The following LVRN variants were observed in gnomAD, a reference collection of about 807,000 sequenced individuals.
The protein encoded by LVRN is aminopeptidase Q.
In LVRN, 99 loss-of-function variants were observed where a neutral mutation model predicts 111.4. The ratio of observed to expected loss-of-function variants is 0.89; its 90% CI spans 0.76 to 1.05. LVRN has a LOEUF of 1.05. Ranked by LOEUF, LVRN falls within the 50% of genes least tolerant of loss-of-function variation. The pLI, the probability that LVRN is intolerant of heterozygous loss-of-function variation, is 0.00. For missense variants in LVRN, 1,414 were observed against 1,206.8 expected, an observed-to-expected ratio of 1.17 and a Z score of -2.54; for synonymous variants, 488 against 449.5, an observed-to-expected ratio of 1.09 and a Z score of -1.08.
intron 4 of LVRN, among the ~76,000 whole-genome samples, chr5:115,988,261 A>G (rs532852836): frequency 6.6e-6 from 1 of 152,082 alleles, no homozygotes; most frequent in Non-Finnish European, 1.5e-5. Context: ...TCATACTGCA[A>G]GTCTGCAGTG....
In LVRN at chr5:116,000,613, C is replaced by G. The variant is rs1489199383; in HGVS notation, c.1602C>G (p.Ser534=). The stretch of plus-strand genomic sequence containing the variant: ...TACAGTCATATTTGAAGACATTTTC[C>G]TACTCAAACGCTGAGCAAGATGATC... ...SALKSYLKTF[S]YSNAEQDDLW... is the part of the protein sequence containing the mutation. The change falls in exon 9 of 20, where the codon TCC becomes TCG. Residue 534 remains serine (S), a synonymous_variant. Transcript: ENST00000357872. The G allele has an allele frequency of 6.2e-7, 1 of 1,613,954 alleles. No individual in the cohort carries two copies. Among genetic ancestry groups the G allele is most frequent in the Non-Finnish European group, 8.5e-7 (1 of 1,179,926 alleles).
Position 116,003,511 on chromosome 5 carries a change from A to AT in LVRN, c.2037+140dup, listed in dbSNP as rs200985984. The AT allele has an allele frequency of 4.1e-3, 1,991 of 483,496 alleles. 26 individuals carry two copies. The highest frequency in any genetic ancestry group is 0.034 in the African/African-American group (1,588 of 47,002). 30.0% of individuals were successfully genotyped at this position (483,496 alleles called of 1,614,324 possible). Reference sequence around the variant, plus strand: ...CCCCTCACCTCCAGGCATGCAAAAGATTTTTTTTTCTTATTCTTAACAAGT... The same window carrying AT: ...CCCCTCACCTCCAGGCATGCAAAAGATTTTTTTTTTCTTATTCTTAACAAGT... On this transcript the variant is annotated intron_variant, in intron 12 of 19. Transcript: ENST00000357872.
chr5:116,009,252 C>G (rs749556171), intron 13 of LVRN, among the ~76,000 whole-genome samples: 2 of 152,058 alleles, frequency 1.3e-5, no homozygotes, highest in African/African-American at 2.4e-5. Flanking sequence ...TTGCTTAGAT[C>G]TACTGCTCAG....
intron 13 of LVRN, among the ~76,000 whole-genome samples, chr5:116,010,358 G>T (rs948133407): frequency 6.6e-6 from 1 of 152,140 alleles, no homozygotes; most frequent in Non-Finnish European, 1.5e-5. Flanking sequence ...GCCTGTAGTT[G>T]GTGTGCACAT....
At chr5:115,999,942 G>A (rs1465843077) in intron 7 of LVRN, 40 bp downstream of exon 7, 1 of 1,569,710 alleles carries the variant, frequency 6.4e-7, no homozygotes, top group South Asian at 1.2e-5. Context: ...TTGTACTCTG[G>A]TAGAAAGTTG....
chr5:115,969,188 G>A (rs780668092), intron 1 of LVRN, among the ~76,000 whole-genome samples: 3 of 152,190 alleles, frequency 2.0e-5, no homozygotes, highest in South Asian at 4.1e-4. Context: ...GGTTTATCCT[G>A]TTTTGGGATT....
At chr5:116,006,720 CCAT>C (rs1291803152) in intron 13 of LVRN, among the ~76,000 whole-genome samples, 1 of 152,078 alleles carries the variant, frequency 6.6e-6, no homozygotes, top group East Asian at 1.9e-4. Context: ...GTTTTGGTGA[CCAT>C]TTTATTACGT....
intron 1 of LVRN, among the ~76,000 whole-genome samples, chr5:115,972,263 G>A (rs868516318): frequency 2.0e-4 from 31 of 151,814 alleles, no homozygotes; most frequent in African/African-American, 6.0e-4. Flanking sequence ...AAATAGGTTC[G>A]CAACTGTTTT....
Position 116,003,612 on chromosome 5 carries a change from T to C in LVRN, c.2037+232T>C, listed in dbSNP as rs1284066409. ...GTTTTTTTTTTTTGAGACGGAGTCT[T>C]GCTCTGTCGCCCAGGCTGGAGTGCA... On this transcript the variant is annotated intron_variant, in intron 12 of 19. Transcript: ENST00000357872. 1.4e-4 allele frequency among the ~76,000 whole-genome samples: 21 copies of C among 149,432 alleles called. No homozygotes were observed. In the South Asian group the frequency reaches 3.4e-3, roughly 24 times the overall value.
Position 116,001,116 on chromosome 5 carries a change from T to C in LVRN, c.1697T>C (p.Ile566Thr), listed in dbSNP as rs1748228581. Residue 566 changes from isoleucine to threonine, a missense_variant, in exon 10 of 20, where the codon ATA (isoleucine) becomes ACA (threonine). Coordinates refer to ENST00000357872, the MANE Select transcript of LVRN (RefSeq NM_173800.5). ...ATTTTGCCAGCAACAATAAAAAACA[T>C]AATGGACAGTTGGACACACCAGAGT... ...TVILPATIKN[I>T]MDSWTHQSGF... 1.2e-6 allele frequency: 2 copies of C among 1,612,424 alleles called. No individual in the cohort carries two copies. Among genetic ancestry groups the C allele is most frequent in the South Asian group, 1.1e-5 (1 of 90,702 alleles).
intron 18 of LVRN, chr5:116,021,623 T>C (rs910159269): frequency 5.8e-6 from 2 of 344,856 alleles, no homozygotes; most frequent in Admixed American, 7.9e-5. Flanking sequence ...AGTAAATCAA[T>C]TGTATATATT....
At chr5:115,984,836 C>T (rs1349272974) in intron 3 of LVRN, 127 bp downstream of exon 3, 1 of 1,310,990 alleles carries the variant, frequency 7.6e-7, no homozygotes, top group Non-Finnish European at 1.0e-6. Context: ...CTCCCAAGCC[C>T]TGTAAAAGTT....
chr5:116,024,497 G>A (rs909705130), intron 19 of LVRN, among the ~76,000 whole-genome samples: 2 of 152,146 alleles, frequency 1.3e-5, no homozygotes, highest in African/African-American at 2.4e-5. Context: ...CTAAGGCTGA[G>A]CTGTCAGGAT....
intron 18 of LVRN, among the ~76,000 whole-genome samples, chr5:116,017,694 A>G (rs190781710): frequency 1.3e-5 from 2 of 152,346 alleles, no homozygotes; most frequent in African/African-American, 2.4e-5. Context: ...CAGCTTTCTC[A>G]TTCATAAAGT....
chr5:116,014,995 G>T (rs1748569803), intron 16 of LVRN, among the ~76,000 whole-genome samples: 1 of 151,972 alleles, frequency 6.6e-6, no homozygotes, highest in African/African-American at 2.4e-5. Flanking sequence ...TCAGATACAA[G>T]ACCAACTTGT....
chr5:116,026,171 C>T lies in LVRN; in HGVS notation c.*53C>T. The T allele has an allele frequency of 1.2e-6, 2 of 1,607,474 alleles. No homozygotes were observed. Among genetic ancestry groups the T allele is most frequent in the East Asian group, 4.5e-5 (2 of 44,686 alleles). On this transcript the variant is annotated 3_prime_UTR_variant, in exon 20 of 20. Coordinates refer to ENST00000357872, the MANE Select transcript of LVRN (RefSeq NM_173800.5). The stretch of plus-strand genomic sequence containing the variant: ...TGCATATTATAATGTAGTTTGTTCA[C>T]AGTTTTGTCTTCCAATACTTTGTGA...
chr5:116,005,426 G>A (rs1050398281), intron 12 of LVRN, among the ~76,000 whole-genome samples: 2 of 152,218 alleles, frequency 1.3e-5, no homozygotes, highest in Non-Finnish European at 2.9e-5. Flanking sequence ...AAAGGGATCT[G>A]TTGGTGGCAT....
chr5:115,979,162 T>G (rs1172105132), intron 1 of LVRN, among the ~76,000 whole-genome samples: 2 of 152,124 alleles, frequency 1.3e-5, no homozygotes, highest in African/African-American at 4.8e-5. Flanking sequence ...GGAATGCTCA[T>G]GCTTCCCTGG....
chr5:115,968,348 CAT>C lies in LVRN; in HGVS notation c.695+5037_695+5038del, dbSNP rs1170600465. Among the ~76,000 whole-genome samples the C allele has an allele frequency of 5.3e-5, 8 of 151,694 alleles. No individual in the cohort carries two copies. In the East Asian group the frequency reaches 1.5e-3, roughly 29 times the overall value. On this transcript the variant is annotated intron_variant, in intron 1 of 19. Coordinates refer to ENST00000357872, the MANE Select transcript of LVRN (RefSeq NM_173800.5). ...CTTTTTCTGCATAAATTGATATAATCATGTGATATTTTTTCTTCTTGAGCCTG... is the reference window on the plus strand; with the variant it reads ...CTTTTTCTGCATAAATTGATATAATCGTGATATTTTTTCTTCTTGAGCCTG...
Sources: allele counts gnomAD v4.1 joint callset (sites outside exome capture counted in the v4.1 genomes callset), GRCh38; gene constraint gnomAD v4.1.1; transcripts MANE v1.5; gene names NCBI Gene and HGNC (gene_info 2026-07-23, HGNC 2026-07-21).